The following SLC38A11 variants were observed in gnomAD, a reference collection of about 807,000 sequenced individuals.
The protein encoded by SLC38A11 is putative sodium-coupled neutral amino acid transporter 11.
In SLC38A11, 51 loss-of-function variants were observed where a neutral mutation model predicts 49.4. That is an observed-to-expected ratio of 1.03 (90% confidence interval 0.83 to 1.30). SLC38A11 has a LOEUF of 1.30. SLC38A11 is among the 50% of genes most tolerant of loss of function. SLC38A11 has a pLI of 0.00. For synonymous variants in SLC38A11, 203 were observed against 192.9 expected, an observed-to-expected ratio of 1.05 and a Z score of -0.43; for missense variants, 574 against 556.2, an observed-to-expected ratio of 1.03 and a Z score of -0.32.
At chr2:164,942,432 C>CA (rs138965956) in intron 5 of SLC38A11, among the ~76,000 whole-genome samples, 48,767 of 103,092 alleles carry the variant, frequency 0.47, 10,080 homozygotes, top group East Asian at 0.67. Flanking sequence ...GACTCTGTCT[C>CA]AAAAAAAAAA....
At chr2:164,942,991 C>A (rs1397543464) in intron 5 of SLC38A11, among the ~76,000 whole-genome samples, 1 of 152,160 alleles carries the variant, frequency 6.6e-6, no homozygotes, top group Non-Finnish European at 1.5e-5. Flanking sequence ...TCTCAAGTTC[C>A]ACTAAACCCT....
At chr2:164,926,945 T>C (rs377536706) in intron 7 of SLC38A11, among the ~76,000 whole-genome samples, 11,308 of 150,604 alleles carry the variant, frequency 0.075, 467 homozygotes, top group Admixed American at 0.1. Flanking sequence ...CACACCAACA[T>C]GGCACATGTA....
rs67268569 is a variant in SLC38A11, at chr2:164,948,888, C to CTTTT, written c.230-3165_230-3162dup. 9.5e-3 allele frequency among the ~76,000 whole-genome samples: 1,298 copies of CTTTT among 136,140 alleles called. 23 individuals are homozygous for CTTTT. Among genetic ancestry groups the CTTTT allele is most frequent in the Admixed American group, 0.044 (566 of 12,746 alleles). 89.3% of individuals were successfully genotyped at this position (136,140 alleles called of 152,430 possible). A position where few individuals can be genotyped will look rare whatever the true frequency, so the allele number is the denominator to read the frequency against. Reference sequence around the variant, plus strand: ...TGCTTCCATTTTCTCTGCTAACTCACTTTTTTTTTTTTTTTTTCATAAATA... The same window carrying CTTTT: ...TGCTTCCATTTTCTCTGCTAACTCACTTTTTTTTTTTTTTTTTTTTTCATAAATA... On this transcript the variant is annotated intron_variant, in intron 3 of 11. Coordinates refer to ENST00000685975, the MANE Select transcript of SLC38A11 (RefSeq NM_001351537.2).
intron 7 of SLC38A11, among the ~76,000 whole-genome samples, chr2:164,922,971 G>A (rs1440473798): frequency 6.6e-6 from 1 of 152,140 alleles, no homozygotes; most frequent in Non-Finnish European, 1.5e-5. Flanking sequence ...ATAAGCAATG[G>A]GGAGAGGATT....
chr2:164,941,251 G>A (rs1465957598), intron 5 of SLC38A11, among the ~76,000 whole-genome samples: 2 of 152,102 alleles, frequency 1.3e-5, no homozygotes, highest in African/African-American at 4.8e-5. Context: ...TTAAAAGCAT[G>A]TGAACATGCT....
chr2:164,940,247 TA>T (rs1559123363), intron 5 of SLC38A11, among the ~76,000 whole-genome samples: 7 of 135,860 alleles, frequency 5.2e-5, no homozygotes, highest in Middle Eastern at 8.0e-3. Context: ...TATATATATA[TA>T]TATATATATC....
intron 8 of SLC38A11, 192 bp downstream of exon 8, chr2:164,915,711 G>T (rs1233377797): frequency 1.1e-5 from 6 of 531,088 alleles, no homozygotes; most frequent in Non-Finnish European, 2.1e-5. Context: ...TCTCCAAATT[G>T]AAGCAAATTT....
At position 164,897,678 on chromosome 2, in the gene SLC38A11, A is replaced by C. The variant is rs894206518; in HGVS notation, c.*759T>G. 6.6e-6 allele frequency: 1 copy of C among 152,168 alleles called. No homozygotes were observed. Among genetic ancestry groups the C allele is most frequent in the Non-Finnish European group, 1.5e-5 (1 of 68,056 alleles). 9.4% of individuals were successfully genotyped at this position (152,168 alleles called of 1,614,324 possible). A position where few individuals can be genotyped will look rare whatever the true frequency, so the allele number is the denominator to read the frequency against. On this transcript the variant is annotated 3_prime_UTR_variant, in exon 12 of 12. Transcript: ENST00000685975. Reference sequence around the variant, plus strand: ...AGTTGTACATTCCTGACAGCACTAAAAATCCAACAGGTCCATATCACCAAT... The same window carrying C: ...AGTTGTACATTCCTGACAGCACTAACAATCCAACAGGTCCATATCACCAAT...
At chr2:164,919,191 A>C (rs551177833) in intron 7 of SLC38A11, among the ~76,000 whole-genome samples, 1 of 152,042 alleles carries the variant, frequency 6.6e-6, no homozygotes, top group African/African-American at 2.4e-5. Context: ...TTAGCCAGGC[A>C]TGATGGTGTG....
At chr2:164,940,491 G>C (rs1191541661) in intron 5 of SLC38A11, among the ~76,000 whole-genome samples, 1 of 150,942 alleles carries the variant, frequency 6.6e-6, no homozygotes, top group Non-Finnish European at 1.5e-5. Context: ...GTGGTACCAA[G>C]TCATTGTGCA....
intron 5 of SLC38A11, among the ~76,000 whole-genome samples, chr2:164,940,279 T>C (rs145295084): frequency 0.011 from 1,582 of 149,148 alleles, 11 homozygotes; most frequent in Non-Finnish European, 0.018. Flanking sequence ...TTATATGTGT[T>C]GTGTGTATAA....
At chr2:164,903,317 C>G (rs1253081337) in intron 11 of SLC38A11, among the ~76,000 whole-genome samples, 2 of 152,176 alleles carry the variant, frequency 1.3e-5, no homozygotes, top group East Asian at 3.8e-4. Context: ...CCAGCTTCTG[C>G]TAAGAAGCTG....
At chr2:164,917,866 G>A (rs541425324) in intron 7 of SLC38A11, among the ~76,000 whole-genome samples, 2 of 152,012 alleles carry the variant, frequency 1.3e-5, no homozygotes, top group South Asian at 4.1e-4. Context: ...TATATTCCCG[G>A]AGTGTGAAAC....
chr2:164,945,242 C>T (rs1559128258), intron 4 of SLC38A11, among the ~76,000 whole-genome samples: 1 of 148,040 alleles, frequency 6.8e-6, no homozygotes, highest in Non-Finnish European at 1.5e-5. Context: ...ACACGGCTTC[C>T]ACAAATCCTT....
At chr2:164,924,803 C>T (rs1356142181) in intron 7 of SLC38A11, among the ~76,000 whole-genome samples, 1 of 151,954 alleles carries the variant, frequency 6.6e-6, no homozygotes, top group African/African-American at 2.4e-5. Context: ...GGCGCAATCT[C>T]GGCTCACTGC....
intron 9 of SLC38A11, among the ~76,000 whole-genome samples, chr2:164,913,582 C>T (rs1409957259): frequency 6.6e-6 from 1 of 152,012 alleles, no homozygotes; most frequent in East Asian, 1.9e-4. Context: ...GCATTAAAAA[C>T]CTGTCAGCTT....
intron 7 of SLC38A11, among the ~76,000 whole-genome samples, chr2:164,920,430 G>A (rs1311243346): frequency 2.0e-5 from 3 of 152,134 alleles, no homozygotes; most frequent in African/African-American, 7.2e-5. Flanking sequence ...AACATGTGTA[G>A]ATGGGCCACA....
At chr2:164,909,245 T>A (rs973172409) in intron 10 of SLC38A11, among the ~76,000 whole-genome samples, 10 of 152,118 alleles carry the variant, frequency 6.6e-5, no homozygotes, top group Non-Finnish European at 1.2e-4. Flanking sequence ...TTCCTATTTG[T>A]TATAATTTAA....
At chr2:164,918,686 A>T (rs1205812150) in intron 7 of SLC38A11, among the ~76,000 whole-genome samples, 1 of 152,234 alleles carries the variant, frequency 6.6e-6, no homozygotes, top group African/African-American at 2.4e-5. Flanking sequence ...TTATTTGTAC[A>T]CAACATAATT....
Sources: allele counts gnomAD v4.1 joint callset (sites outside exome capture counted in the v4.1 genomes callset), GRCh38; gene constraint gnomAD v4.1.1; transcripts MANE v1.5; gene names NCBI Gene and HGNC (gene_info 2026-07-23, HGNC 2026-07-21).